Variants in PARP9 observed in about 807,000 individuals in gnomAD.
PARP9 encodes poly(ADP-ribose) polymerase family member 9.
In PARP9, 48 loss-of-function variants were observed where a neutral mutation model predicts 68.8. The ratio of observed to expected loss-of-function variants is 0.70; its 90% confidence interval spans 0.55 to 0.89. The LOEUF is 0.89. Among genes scored for constraint, PARP9 ranks in the 40% least tolerant of loss-of-function variants. The probability of loss-of-function intolerance (pLI) is 0.00; values close to 1 mark genes in which losing one functional copy is unlikely to be tolerated. For missense variants in PARP9, 806 were observed against 969.3 expected, an observed-to-expected ratio of 0.83 and a Z score of 2.24; for synonymous variants, 309 against 333.8, an observed-to-expected ratio of 0.93 and a Z score of 0.81.
At chr3:122,531,529 G>T (rs973691061) in intron 10 of PARP9, among the ~76,000 whole-genome samples, 1 of 152,160 alleles carries the variant, frequency 6.6e-6, no homozygotes, top group Non-Finnish European at 1.5e-5. Flanking sequence ...AGGCCGAGGC[G>T]GGTGGATCAC....
At chr3:122,536,450 T>C in intron 9 of PARP9, 108 bp from the exon 10 acceptor site, 1 of 1,477,566 alleles carries the variant, frequency 6.8e-7, no homozygotes, top group South Asian at 1.4e-5. Context: ...AATACTACTT[T>C]GCATGCAATT....
chr3:122,530,402 G>A (rs968089593), intron 10 of PARP9, among the ~76,000 whole-genome samples: 4 of 151,940 alleles, frequency 2.6e-5, no homozygotes, highest in East Asian at 1.9e-4. Flanking sequence ...CATGCTCACC[G>A]GGCAACTTTC....
chr3:122,540,322 C>T (rs1184693811), intron 8 of PARP9, 150 bp downstream of exon 8: 1 of 1,013,554 alleles, frequency 9.9e-7, no homozygotes, highest in Non-Finnish European at 1.4e-6. Context: ...AAAAATAGCT[C>T]ACAAAGGCTT....
At chr3:122,542,257 C>CTTT (rs1175844599) in intron 7 of PARP9, among the ~76,000 whole-genome samples, 88 of 104,016 alleles carry the variant, frequency 8.5e-4, no homozygotes, top group Middle Eastern at 6.5e-3. Context: ...TCTACTACTA[C>CTTT]TTTTTTTTTT....
At chr3:122,560,686 G>A (rs192343226) in intron 1 of PARP9, among the ~76,000 whole-genome samples, 1 of 152,246 alleles carries the variant, frequency 6.6e-6, no homozygotes, top group East Asian at 1.9e-4. Flanking sequence ...GCGCCTGGTC[G>A]AAATGATTTC....
At chr3:122,538,062 G>A (rs533617278) in intron 8 of PARP9, among the ~76,000 whole-genome samples, 3 of 152,346 alleles carry the variant, frequency 2.0e-5, no homozygotes, top group South Asian at 4.1e-4. Flanking sequence ...AAAAGCAGGT[G>A]ACGAATTGAG....
At chr3:122,545,061 ATG>A (rs200155861) in intron 7 of PARP9, among the ~76,000 whole-genome samples, 2,258 of 152,288 alleles carry the variant, frequency 0.015, 29 homozygotes, top group Middle Eastern at 0.051. Context: ...CATTACTGAG[ATG>A]TGTTTTCCAT....
rs762721773 is a variant in PARP9, at chr3:122,528,353, T to C, written c.*11A>G. On this transcript the variant is annotated 3_prime_UTR_variant, in exon 11 of 11. Coordinates refer to ENST00000682323, the MANE Select transcript of PARP9 (RefSeq NM_001146105.2). ...GGTAAGGCCATACCAGCTGTTAAAA[T>C]GATGTAGAGATTAATCAACAGGGCT... 8.1e-6 allele frequency: 13 copies of C among 1,606,050 alleles called. No individual in the cohort carries two copies. The highest frequency in any genetic ancestry group is 1.1e-5 in the Non-Finnish European group (13 of 1,175,368).
chr3:122,543,478 T>C (rs982617645), intron 7 of PARP9, among the ~76,000 whole-genome samples: 1 of 151,498 alleles, frequency 6.6e-6, no homozygotes, highest in Non-Finnish European at 1.5e-5. Flanking sequence ...GATTTCTCCA[T>C]GTTAGTCAGG....
chr3:122,557,912 GA>G (rs59970616), intron 3 of PARP9, among the ~76,000 whole-genome samples: 1,648 of 150,870 alleles, frequency 0.011, 24 homozygotes, highest in African/African-American at 0.031. Flanking sequence ...GTTAAAATGT[GA>G]AAAAAAAATG....
At position 122,555,626 on chromosome 3, in the gene PARP9, A is replaced by C; in HGVS notation, c.545T>G (p.Ile182Ser). ...GATGACATAATTCAGAATACTTACAATGGCCCTCTGCAGCTTTCCAGTACA... is the reference window on the plus strand; with the variant it reads ...GATGACATAATTCAGAATACTTACACTGGCCCTCTGCAGCTTTCCAGTACA... ...QGCTGKLQRA[I>S]VSILNYVIYK... The change falls in exon 4 of 11, where the codon ATT becomes AGT. Residue 182 changes from isoleucine to serine, a missense_variant. Coordinates refer to ENST00000682323, the MANE Select transcript of PARP9 (RefSeq NM_001146105.2). 6.2e-7 allele frequency: 1 copy of C among 1,614,116 alleles called. No individual in the cohort carries two copies. Among genetic ancestry groups the C allele is most frequent in the Non-Finnish European group, 8.5e-7 (1 of 1,180,024 alleles).
At chr3:122,539,471 T>C (rs533027449) in intron 8 of PARP9, among the ~76,000 whole-genome samples, 1 of 152,124 alleles carries the variant, frequency 6.6e-6, no homozygotes, top group Admixed American at 6.5e-5. Context: ...TTGAATGATA[T>C]CTATATCTAT....
intron 6 of PARP9, among the ~76,000 whole-genome samples, chr3:122,548,318 G>A (rs1168757508): frequency 1.3e-5 from 2 of 152,206 alleles, no homozygotes; most frequent in African/African-American, 2.4e-5. Context: ...CAAGAGGTGG[G>A]AATATGAGCA....
intron 2 of PARP9, 73 bp downstream of exon 2, chr3:122,559,533 T>A (rs1434948267): frequency 1.4e-6 from 2 of 1,449,092 alleles, no homozygotes; most frequent in African/African-American, 2.8e-5. Context: ...CACCCCAGAT[T>A]TCTTGCTGTT....
chr3:122,564,567 A>T, upstream of PARP9: 1 of 1,606,438 alleles, frequency 6.2e-7, no homozygotes, highest in Non-Finnish European at 8.5e-7. Flanking sequence ...GCACCCAGGA[A>T]CACGAAGCCC....
At chr3:122,534,113 A>G (rs1383183806) in intron 10 of PARP9, 1 of 964,090 alleles carries the variant, frequency 1.0e-6, no homozygotes, top group Non-Finnish European at 1.2e-6. Flanking sequence ...GAGCACACAG[A>G]CAGCAGGTAA....
chr3:122,545,382 G>C (rs895637518), intron 7 of PARP9, 50 bp downstream of exon 7: 7 of 1,551,152 alleles, frequency 4.5e-6, no homozygotes, highest in Non-Finnish European at 5.3e-6. Flanking sequence ...AGAATAGAAT[G>C]AGCCAATGGT....
chr3:122,536,672 ACTT>A (rs946347286), intron 9 of PARP9: 1 of 539,642 alleles, frequency 1.9e-6, no homozygotes, highest in African/African-American at 1.9e-5. Context: ...ATGCTATTCC[ACTT>A]CTTTTATTTT....
intron 7 of PARP9, 25 bp downstream of exon 7, chr3:122,545,407 A>G: frequency 6.2e-7 from 1 of 1,612,356 alleles, no homozygotes; most frequent in Non-Finnish European, 8.5e-7. Context: ...GACCCTACTT[A>G]TTGGCCTGTG....
Sources: gnomAD v4.1 joint callset for allele counts (sites outside exome capture counted in the v4.1 genomes callset) on GRCh38, gnomAD v4.1.1 for gene constraint, MANE v1.5 for transcripts, NCBI Gene and HGNC (gene_info 2026-07-23, HGNC 2026-07-21) for gene names.